CDYL2: variants seen among roughly 807,000 people sequenced by gnomAD.
CDYL2 encodes the protein chromodomain Y like 2.
A neutral mutation model predicts 49.4 loss-of-function variants in CDYL2; 23 were observed. The observed-to-expected ratio is 0.47, with a 90% CI of 0.34 to 0.66. The LOEUF is 0.66. Among genes scored for constraint, CDYL2 ranks in the 30% least tolerant of loss-of-function variants. CDYL2 has a pLI of 0.01. For synonymous variants in CDYL2, 360 were observed against 268.8 expected, an observed-to-expected ratio of 1.34 and a Z score of -3.32; for missense variants, 678 against 656.4, an observed-to-expected ratio of 1.03 and a Z score of -0.36.
intron 1 of CDYL2, among the ~76,000 whole-genome samples, chr16:80,739,787 C>A (rs1328522425): frequency 6.6e-6 from 1 of 152,184 alleles, no homozygotes; most frequent in African/African-American, 2.4e-5. Flanking sequence ...GCCTTACTCC[C>A]TGCCAATCAG....
chr16:80,782,561 C>G (rs1597131621), intron 1 of CDYL2, among the ~76,000 whole-genome samples: 1 of 147,614 alleles, frequency 6.8e-6, no homozygotes, highest in East Asian at 2.0e-4. Flanking sequence ...AACTACAGGC[C>G]AATATCCCTG....
chr16:80,773,756 G>A (rs532689532), intron 1 of CDYL2, among the ~76,000 whole-genome samples: 6 of 152,094 alleles, frequency 3.9e-5, no homozygotes, highest in South Asian at 2.1e-4. Context: ...ATTAAAACTC[G>A]TATGACATAC....
At chr16:80,658,738 G>C (rs926394801) in intron 2 of CDYL2, among the ~76,000 whole-genome samples, 2 of 152,124 alleles carry the variant, frequency 1.3e-5, no homozygotes, top group African/African-American at 4.8e-5. Flanking sequence ...AAATAGCAAT[G>C]AGCTATGTAG....
chr16:80,693,093 T>G (rs1438734425), intron 1 of CDYL2, among the ~76,000 whole-genome samples: 2 of 129,526 alleles, frequency 1.5e-5, no homozygotes, highest in Non-Finnish European at 3.1e-5. Context: ...TCATCTATAG[T>G]GATCGAAGCC....
At chr16:80,634,209 C>A (rs113998500) in intron 2 of CDYL2, among the ~76,000 whole-genome samples, 1 of 152,076 alleles carries the variant, frequency 6.6e-6, no homozygotes, top group Non-Finnish European at 1.5e-5. Flanking sequence ...ATGTTTACTG[C>A]GGCACTATTC....
At chr16:80,648,691 T>G (rs1019410078) in intron 2 of CDYL2, among the ~76,000 whole-genome samples, 43 of 132,260 alleles carry the variant, frequency 3.3e-4, no homozygotes, top group African/African-American at 7.8e-4. Flanking sequence ...AGAAAAAAAA[T>G]AAAAAAAAAA....
At chr16:80,642,585 C>T (rs992795229) in intron 2 of CDYL2, among the ~76,000 whole-genome samples, 11 of 152,224 alleles carry the variant, frequency 7.2e-5, no homozygotes, top group South Asian at 4.2e-4. Context: ...ACAAAGACAT[C>T]GGGTAGACTG....
chr16:80,633,205 C>T lies in CDYL2; in HGVS notation c.648G>A (p.Leu216=), dbSNP rs566236284. ...GSALTNGGLN[L]HSPVKRKLEA... is the part of the protein sequence containing the mutation. ...CCAGCTTCCTCTTCACTGGACTGTGCAGGTTCAATCCCCCGTTGGTCAGAG... is the reference window on the plus strand; with the variant it reads ...CCAGCTTCCTCTTCACTGGACTGTGTAGGTTCAATCCCCCGTTGGTCAGAG... The change falls in exon 3 of 7, where the codon CTG becomes CTA. Residue 216 remains leucine, a synonymous_variant. Transcript: ENST00000570137. The T allele has an allele frequency of 1.6e-4, 257 of 1,614,210 alleles. 2 individuals carry two copies. In the South Asian group the frequency reaches 2.6e-3, roughly 17 times the overall value.
intron 1 of CDYL2, among the ~76,000 whole-genome samples, chr16:80,763,631 A>C (rs946366422): frequency 3.3e-5 from 5 of 152,136 alleles, no homozygotes; most frequent in Non-Finnish European, 7.4e-5. Context: ...AAATAACAAA[A>C]AAAAACACTT....
intron 1 of CDYL2, among the ~76,000 whole-genome samples, chr16:80,731,160 GA>G (rs1477980987): frequency 6.6e-6 from 1 of 151,940 alleles, no homozygotes; most frequent in African/African-American, 2.4e-5. Context: ...AGAGACAAGA[GA>G]AAACAATTGA....
At chr16:80,630,647 G>T (rs889836982) in intron 3 of CDYL2, among the ~76,000 whole-genome samples, 9 of 152,020 alleles carry the variant, frequency 5.9e-5, no homozygotes, top group African/African-American at 9.7e-5. Flanking sequence ...GTTACAGGCG[G>T]AGGATGGAGA....
At chr16:80,796,129 T>C (rs1397992689) in intron 1 of CDYL2, among the ~76,000 whole-genome samples, 2 of 152,164 alleles carry the variant, frequency 1.3e-5, no homozygotes, top group Non-Finnish European at 2.9e-5. Context: ...CCAAAATCCA[T>C]AGGCTAGATC....
chr16:80,753,173 C>G (rs543178638), intron 1 of CDYL2, among the ~76,000 whole-genome samples: 1 of 151,256 alleles, frequency 6.6e-6, no homozygotes, highest in Non-Finnish European at 1.5e-5. Flanking sequence ...GAAACAGAAA[C>G]ACACATAAAT....
chr16:80,636,964 A>T lies in CDYL2; in HGVS notation c.617-3728T>A, dbSNP rs568423425. Among the ~76,000 whole-genome samples, 6 of 152,362 alleles carry T rather than the reference A, an allele frequency of 3.9e-5. No individual in the cohort carries two copies. The East Asian group carries it at 1.2e-3, about 29-fold the overall frequency. On this transcript the variant is annotated intron_variant, in intron 2 of 6. Coordinates refer to ENST00000570137, the MANE Select transcript of CDYL2 (RefSeq NM_152342.4). ...AAATGAACACATGAGCAGAACGCCA[A>T]GCACCGCATATTCTCACTCATAAGT... is the stretch of plus-strand genomic sequence containing the variant.
At chr16:80,709,782 T>C (rs1012070971) in intron 1 of CDYL2, among the ~76,000 whole-genome samples, 6 of 152,228 alleles carry the variant, frequency 3.9e-5, no homozygotes, top group African/African-American at 1.4e-4. Context: ...GTAGGAATTA[T>C]AGATTTCTTA....
At chr16:80,731,512 T>C (rs981456770) in intron 1 of CDYL2, among the ~76,000 whole-genome samples, 7 of 152,080 alleles carry the variant, frequency 4.6e-5, no homozygotes, top group African/African-American at 2.4e-5. Context: ...CCCCACACAA[T>C]GACCAAAAAT....
At chr16:80,730,616 T>C (rs55823544) in intron 1 of CDYL2, among the ~76,000 whole-genome samples, 3,496 of 152,064 alleles carry the variant, frequency 0.023, 142 homozygotes, top group African/African-American at 0.082. Context: ...GCCAGCATCA[T>C]CCTGATACCA....
chr16:80,644,602 C>T (rs1404574117), intron 2 of CDYL2, among the ~76,000 whole-genome samples: 2 of 152,198 alleles, frequency 1.3e-5, no homozygotes, highest in African/African-American at 4.8e-5. Flanking sequence ...TCTCACATGG[C>T]AGTGGCAAGA....
intron 1 of CDYL2, among the ~76,000 whole-genome samples, chr16:80,714,355 G>T (rs1249868003): frequency 1.3e-5 from 2 of 152,104 alleles, no homozygotes; most frequent in Non-Finnish European, 2.9e-5. Context: ...ACGAAGAAAT[G>T]ATAAATGTTT....
Sources: gnomAD v4.1 joint callset for allele counts (sites outside exome capture counted in the v4.1 genomes callset) on GRCh38, gnomAD v4.1.1 for gene constraint, MANE v1.5 for transcripts, NCBI Gene and HGNC (gene_info 2026-07-23, HGNC 2026-07-21) for gene names.